The following SYNE2 variants were observed in gnomAD, a reference collection of about 807,000 sequenced individuals.
SYNE2 encodes the protein spectrin repeat containing nuclear envelope protein 2.
A neutral mutation model predicts 856.3 loss-of-function variants in SYNE2; 431 were observed. That is an observed-to-expected ratio of 0.50 (90% CI 0.47 to 0.55). SYNE2 has a LOEUF of 0.55. SYNE2 is among the 20% of genes least tolerant of loss of function. The pLI is 0.00. For synonymous variants in SYNE2, 2,923 were observed against 2,872.3 expected, an observed-to-expected ratio of 1.02 and a Z score of -0.56; for missense variants, 8,129 against 8,023.2, an observed-to-expected ratio of 1.01 and a Z score of -0.50.
At chr14:64,134,047 T>C in intron 77 of SYNE2, 22 bp from the exon 78 acceptor site, 1 of 1,613,674 alleles carries the variant, frequency 6.2e-7, no homozygotes, top group African/African-American at 1.3e-5. Flanking sequence ...CTTCCACTAA[T>C]TTTATGTCCT....
intron 57 of SYNE2, among the ~76,000 whole-genome samples, chr14:64,086,449 T>C (rs1367016906): frequency 6.6e-6 from 1 of 152,208 alleles, no homozygotes; most frequent in Non-Finnish European, 1.5e-5. Flanking sequence ...TACAACTTTG[T>C]CCTTTTTCAG....
intron 75 of SYNE2, 31 bp from the exon 76 acceptor site, chr14:64,130,017 T>G (rs749396030): frequency 6.2e-7 from 1 of 1,613,168 alleles, no homozygotes; most frequent in Non-Finnish European, 8.5e-7. Flanking sequence ...TGGATGAAAA[T>G]GCATGTGTGC....
At chr14:63,812,125 G>T (rs144106477) in intron 1 of SYNE2, among the ~76,000 whole-genome samples, 1 of 152,126 alleles carries the variant, frequency 6.6e-6, no homozygotes, top group Non-Finnish European at 1.5e-5. Context: ...CAGGAGACCA[G>T]GGTGTATTTC....
chr14:64,150,321 A>AAAAAAAAGG (rs766798501), intron 84 of SYNE2, among the ~76,000 whole-genome samples: 6 of 119,488 alleles, frequency 5.0e-5, no homozygotes, highest in South Asian at 2.8e-4. Context: ...AAAAAAAAAA[A>AAAAAAAAGG]GGATCCTCCC....
chr14:63,900,834 A>C (rs1401058699), intron 1 of SYNE2, among the ~76,000 whole-genome samples: 1 of 152,244 alleles, frequency 6.6e-6, no homozygotes, highest in African/African-American at 2.4e-5. Flanking sequence ...TGTTTCACCA[A>C]CTTTCTGCTG....
At chr14:64,041,229 A>C (rs1057188065) in intron 45 of SYNE2, among the ~76,000 whole-genome samples, 1 of 152,230 alleles carries the variant, frequency 6.6e-6, no homozygotes, top group Non-Finnish European at 1.5e-5. Context: ...TTAAATCTTT[A>C]CAAGAGAATA....
chr14:63,872,234 T>C (rs1364694494), intron 1 of SYNE2, among the ~76,000 whole-genome samples: 1 of 151,040 alleles, frequency 6.6e-6, no homozygotes, highest in East Asian at 2.0e-4. Context: ...TTCGAGACCA[T>C]CTTGGCTAAC....
At chr14:63,852,810 T>C (rs1252154730), upstream of SYNE2, among the ~76,000 whole-genome samples, 3 of 152,034 alleles carry the variant, frequency 2.0e-5, no homozygotes, top group Non-Finnish European at 4.4e-5. Context: ...ACACCACCTC[T>C]GATGTCCCAA....
intron 56 of SYNE2, 47 bp from the exon 57 acceptor site, chr14:64,081,396 C>T (rs775858105): frequency 1.9e-6 from 3 of 1,613,320 alleles, no homozygotes; most frequent in Admixed American, 1.7e-5. Flanking sequence ...TCATTCAGCT[C>T]CAGTAAAAGG....
rs2098631133 is a variant in SYNE2 at position 64,209,932 on chromosome 14, T to C, written c.18541-10T>C. 3.1e-6 allele frequency: 5 copies of C among 1,614,040 alleles called. No individual in the cohort carries two copies. The East Asian group carries it at 1.1e-4, about 36-fold the overall frequency. On this transcript the variant is annotated splice_polypyrimidine_tract_variant and intron_variant, in intron 102 of 115. Coordinates refer to ENST00000555002, the MANE Select transcript of SYNE2 (RefSeq NM_182914.3). The stretch of plus-strand genomic sequence containing the variant: ...CATGCTTTGGCTCTGACCCCTCCCA[T>C]GTGATGCAGGCCTTTCAGCGGCAGA...
intron 1 of SYNE2, among the ~76,000 whole-genome samples, chr14:63,861,179 C>G (rs981453713): frequency 8.4e-5 from 12 of 142,326 alleles, no homozygotes; most frequent in African/African-American, 3.1e-4. Flanking sequence ...GAGTCTTACT[C>G]TGTTGCCCAG....
intron 50 of SYNE2, among the ~76,000 whole-genome samples, chr14:64,063,754 T>A (rs1009289048): frequency 6.6e-6 from 1 of 152,190 alleles, no homozygotes; most frequent in African/African-American, 2.4e-5. Flanking sequence ...TGTTGGTGGT[T>A]GATATAGGAA....
intron 100 of SYNE2, among the ~76,000 whole-genome samples, chr14:64,204,887 G>A (rs913877788): frequency 2.6e-5 from 4 of 152,122 alleles, no homozygotes; most frequent in Non-Finnish European, 5.9e-5. Flanking sequence ...TCAGGATTAC[G>A]CTCCTTTCTG....
In SYNE2 at chr14:64,122,518, G is replaced by A. The variant is rs139356857; in HGVS notation, c.13422+91G>A. Reference sequence around the variant, plus strand: ...AATAAACATGTATATTCTCCAGAAAGCAAAGTTGCCAAGTGAGTTTTTTAC... The same window carrying A: ...AATAAACATGTATATTCTCCAGAAAACAAAGTTGCCAAGTGAGTTTTTTAC... On this transcript the variant is annotated intron_variant, in intron 70 of 115. Transcript: ENST00000555002. 739 of 1,566,200 alleles carry A rather than the reference G, an allele frequency of 4.7e-4. 5 individuals are homozygous for A. The African/African-American group carries it at 9.3e-3, about 20-fold the overall frequency.
Position 64,106,689 on chromosome 14 carries a change from C to T in SYNE2, c.12493-802C>T, listed in dbSNP as rs369895916. Among the ~76,000 whole-genome samples the T allele has an allele frequency of 1.4e-3, 216 of 152,296 alleles. 1 individual carries two copies. The highest frequency in any genetic ancestry group is 4.9e-3 in the African/African-American group (204 of 41,568). Reference sequence around the variant, plus strand: ...CACTATGTGTAATAGTTATCCCAGTCTGTCATTTCTCTTTAACTTAGATTA... The same window carrying T: ...CACTATGTGTAATAGTTATCCCAGTTTGTCATTTCTCTTTAACTTAGATTA... On this transcript the variant is annotated intron_variant, in intron 64 of 115. Transcript: ENST00000555002.
chr14:63,919,819 A>T (rs1224883007), intron 2 of SYNE2, among the ~76,000 whole-genome samples: 1 of 152,124 alleles, frequency 6.6e-6, no homozygotes, highest in Non-Finnish European at 1.5e-5. Flanking sequence ...GATGGCTCTG[A>T]CAAGCTTAGC....
In SYNE2 at chr14:64,125,250, C is replaced by T. The variant is rs9323446; in HGVS notation, c.13554+40C>T. ...CAATGTGTTTTCCTCATTGTAATAA[C>T]ATAAACAAAGGAGATATCATCATTG... is the stretch of plus-strand genomic sequence containing the variant. On this transcript the variant is annotated intron_variant, in intron 71 of 115. Transcript: ENST00000555002. The T allele has an allele frequency of 0.11, 180,809 of 1,611,812 alleles. 13,022 individuals carry two copies. Among genetic ancestry groups the T allele is most frequent in the African/African-American group, 0.34 (25,330 of 74,814 alleles).
chr14:63,872,035 T>C (rs1896966389), intron 1 of SYNE2, among the ~76,000 whole-genome samples: 1 of 152,158 alleles, frequency 6.6e-6, no homozygotes, highest in Non-Finnish European at 1.5e-5. Flanking sequence ...AATGTTAAGG[T>C]TGATTTTCAA....
chr14:63,841,832 C>CTTTTTT (rs34947861), intron 1 of SYNE2, among the ~76,000 whole-genome samples: 149 of 115,034 alleles, frequency 1.3e-3, no homozygotes, highest in Non-Finnish European at 1.5e-3. Context: ...TTCTTTCTTT[C>CTTTTTT]TTTTTTTTTT....
Sources: allele counts gnomAD v4.1 joint callset (sites outside exome capture counted in the v4.1 genomes callset), GRCh38; gene constraint gnomAD v4.1.1; transcripts MANE v1.5; gene names NCBI Gene and HGNC (gene_info 2026-07-23, HGNC 2026-07-21).